Variants in RFC3 observed in about 807,000 individuals in gnomAD.
RFC3 encodes the protein replication factor C subunit 3, also known as A1 38 kDa subunit.
A neutral mutation model predicts 45.1 loss-of-function variants in RFC3; 41 were observed. That is an observed-to-expected ratio of 0.91 (90% CI 0.71 to 1.18). The LOEUF (loss-of-function observed/expected upper bound fraction) is 1.18, where lower values mean the gene tolerates loss of function less well. Among genes scored for constraint, RFC3 ranks in the 50% most tolerant of loss-of-function variants. RFC3 has a pLI of 0.00. For synonymous variants in RFC3, 149 were observed against 144.0 expected (o/e 1.03, Z -0.25); for missense variants, 423 against 428.1 (o/e 0.99, Z 0.10).
intron 8 of RFC3, among the ~76,000 whole-genome samples, chr13:33,949,619 G>A (rs762000068): frequency 6.6e-6 from 1 of 152,100 alleles, no homozygotes; most frequent in Non-Finnish European, 1.5e-5. Flanking sequence ...AAGTCCTTTA[G>A]GTGCACGTGA....
At chr13:33,932,015 T>C (rs2082855641) in intron 8 of RFC3, among the ~76,000 whole-genome samples, 1 of 152,146 alleles carries the variant, frequency 6.6e-6, no homozygotes, top group South Asian at 2.1e-4. Context: ...TGAGACTATT[T>C]ATATTGCCTT....
At chr13:33,837,952 C>A (rs1426453708), downstream of RFC3, among the ~76,000 whole-genome samples, 3 of 151,364 alleles carry the variant, frequency 2.0e-5, no homozygotes, top group African/African-American at 7.3e-5. Context: ...TTTTTTTTAA[C>A]CAATGGATTA....
At position 33,823,936 on chromosome 13, in the gene RFC3, T is replaced by A. The variant is rs776114523; in HGVS notation, c.245T>A (p.Ile82Asn). The A allele has an allele frequency of 4.9e-5, 75 of 1,523,838 alleles. No individual in the cohort carries two copies. Among genetic ancestry groups the A allele is most frequent in the Middle Eastern group, 3.4e-4 (2 of 5,802 alleles). 94.4% of individuals were successfully genotyped at this position (1,523,838 alleles called of 1,614,324 possible). A position where few individuals can be genotyped will look rare whatever the true frequency, so the allele number is the denominator to read the frequency against. ...CCACAGACTCCATCTAAAAAAAAAA[T>A]TGAAATTAGCACCATTGCAAGTAAC... ...QTITTPSKKK[I>N]EISTIASNYH... Residue 82 changes from isoleucine to asparagine, a missense_variant, in exon 3 of 9, where the codon ATT (isoleucine) becomes AAT (asparagine). Physicochemically the swap from Ile to Asn is moderately radical, Grantham distance 149. Coordinates refer to ENST00000380071, the MANE Select transcript of RFC3 (RefSeq NM_002915.4).
chr13:33,829,726 A>T, intron 4 of RFC3, 110 bp from the exon 5 acceptor site: 1 of 827,592 alleles, frequency 1.2e-6, no homozygotes, highest in Non-Finnish European at 2.1e-6. Flanking sequence ...AGAGTAGTAT[A>T]TCAGGCTTAT....
At chr13:33,860,047 A>G (rs1201890596) in intron 8 of RFC3, among the ~76,000 whole-genome samples, 1 of 152,188 alleles carries the variant, frequency 6.6e-6, no homozygotes, top group East Asian at 1.9e-4. Flanking sequence ...AGACCATGTG[A>G]GGACACAGCT....
In RFC3 at chr13:33,925,663, A is replaced by T. The variant is rs565739765; in HGVS notation, c.880-40424A>T. Among the ~76,000 whole-genome samples the T allele has an allele frequency of 6.0e-5, 9 of 150,306 alleles. No homozygotes were observed. The South Asian group carries it at 1.9e-3, about 31-fold the overall frequency. ...ATATGTATATAGTGAAATGATTACCACAATTAAGTTAGTGTGTATGTATAT... is the reference window on the plus strand; with the variant it reads ...ATATGTATATAGTGAAATGATTACCTCAATTAAGTTAGTGTGTATGTATAT... On this transcript the variant is annotated intron_variant, in intron 8 of 8. Coordinates refer to the RFC3 transcript ENST00000434425.
intron 2 of RFC3, among the ~76,000 whole-genome samples, chr13:33,822,944 G>C (rs150347196): frequency 2.0e-5 from 3 of 152,244 alleles, no homozygotes; most frequent in Non-Finnish European, 2.9e-5. Flanking sequence ...GTGTAAATAA[G>C]AGATTTTTAC....
At chr13:33,833,424 A>G (rs1373420201) in intron 7 of RFC3, among the ~76,000 whole-genome samples, 2 of 152,058 alleles carry the variant, frequency 1.3e-5, no homozygotes, top group South Asian at 2.1e-4. Context: ...GGTACATTCC[A>G]TTATTATAAT....
chr13:33,974,394 T>A, the RFC3 span, among the ~76,000 whole-genome samples: 1 of 150,738 alleles, frequency 6.6e-6, no homozygotes, highest in East Asian at 1.9e-4. Flanking sequence ...AGCAGTCACA[T>A]CTTTGTGCAT....
chr13:33,945,076 C>T (rs2082946888), intron 8 of RFC3, among the ~76,000 whole-genome samples: 1 of 152,154 alleles, frequency 6.6e-6, no homozygotes, highest in South Asian at 2.1e-4. Flanking sequence ...AGCTCTTGCC[C>T]TGTGGATCAG....
intron 8 of RFC3, among the ~76,000 whole-genome samples, chr13:33,934,477 A>AGTGT (rs2137781370): frequency 6.6e-6 from 1 of 152,244 alleles, no homozygotes; most frequent in East Asian, 1.9e-4. Flanking sequence ...CTCTGAGATG[A>AGTGT]CTGTGTGTCT....
intron 8 of RFC3, among the ~76,000 whole-genome samples, chr13:33,907,437 T>A (rs73172058): frequency 0.044 from 6,697 of 152,130 alleles, 219 homozygotes; most frequent in Non-Finnish European, 0.067. Flanking sequence ...ACAAATAAAA[T>A]AAATGAAAAG....
rs7336661 is a variant in RFC3, at chr13:33,879,999, C to T, written c.879+44782C>T. Among the ~76,000 whole-genome samples, 1,229 of 152,308 alleles carry T rather than the reference C, an allele frequency of 8.1e-3. 10 individuals carry two copies. Among genetic ancestry groups the T allele is most frequent in the African/African-American group, 0.028 (1,180 of 41,566 alleles). On this transcript the variant is annotated intron_variant, in intron 8 of 8. Coordinates refer to the RFC3 transcript ENST00000434425. ...ACTTTTCTTTTCCCCTTCTCTTCCACTTATAAGGAACCTTGTGATTATATT... is the reference window on the plus strand; with the variant it reads ...ACTTTTCTTTTCCCCTTCTCTTCCATTTATAAGGAACCTTGTGATTATATT...
At chr13:33,909,285 A>G (rs1476751844) in intron 8 of RFC3, among the ~76,000 whole-genome samples, 1 of 152,030 alleles carries the variant, frequency 6.6e-6, no homozygotes, top group South Asian at 2.1e-4. Context: ...CTTCATAAAG[A>G]TGACTCTCTT....
chr13:33,842,616 T>A (rs2082207992), intron 8 of RFC3, among the ~76,000 whole-genome samples: 1 of 152,176 alleles, frequency 6.6e-6, no homozygotes, highest in Admixed American at 6.5e-5. Flanking sequence ...CTACCTGGGT[T>A]TTTCCTTCCT....
chr13:33,888,326 C>G (rs1332695104), intron 8 of RFC3, among the ~76,000 whole-genome samples: 2 of 152,168 alleles, frequency 1.3e-5, no homozygotes, highest in African/African-American at 4.8e-5. Flanking sequence ...CTCTTACTCA[C>G]CCTTCAAGAC....
intron 5 of RFC3, 52 bp downstream of exon 5, chr13:33,830,069 T>C: frequency 6.9e-7 from 1 of 1,441,288 alleles, no homozygotes; most frequent in Non-Finnish European, 9.7e-7. Flanking sequence ...ATTCTCTGAA[T>C]ATTGTATGCT....
intron 8 of RFC3, among the ~76,000 whole-genome samples, chr13:33,845,115 C>G (rs367602231): frequency 6.6e-6 from 1 of 152,144 alleles, no homozygotes; most frequent in Non-Finnish European, 1.5e-5. Context: ...TCTTTCCTGC[C>G]TGTAAGATTT....
chr13:33,834,319 T>G (rs1256319775), intron 7 of RFC3, among the ~76,000 whole-genome samples: 2 of 129,746 alleles, frequency 1.5e-5, no homozygotes, highest in Non-Finnish European at 3.1e-5. Flanking sequence ...TATATATATA[T>G]ATATATATAT....
Sources: gnomAD v4.1 joint callset for allele counts (sites outside exome capture counted in the v4.1 genomes callset) on GRCh38, gnomAD v4.1.1 for gene constraint, MANE v1.5 for transcripts, NCBI Gene and HGNC (gene_info 2026-07-23, HGNC 2026-07-21) for gene names.